DNAJB4: variants seen among roughly 807,000 people sequenced by gnomAD.
The protein encoded by DNAJB4 is DnaJ heat shock protein family (Hsp40) member B4, also known as dnaJ homolog subfamily B member 4.
In DNAJB4, 10 loss-of-function variants were observed where a neutral mutation model predicts 26.6. The observed-to-expected ratio is 0.38, with a 90% confidence interval of 0.23 to 0.64. The LOEUF is 0.64. Ranked by LOEUF, DNAJB4 falls within the 30% of genes least tolerant of loss-of-function variation. The pLI is 0.58. For missense variants in DNAJB4, 328 were observed against 408.2 expected (o/e 0.80, Z 1.69); for synonymous variants, 136 against 134.8 (o/e 1.01, Z -0.06).
At chr1:77,992,230 G>A (rs990701023) in intron 1 of DNAJB4, among the ~76,000 whole-genome samples, 187 of 151,316 alleles carry the variant, frequency 1.2e-3, no homozygotes, top group African/African-American at 4.3e-3. Context: ...CGGCTAAAAC[G>A]GTGAAACCCC....
At chr1:77,996,059 T>C (rs1660053932) in intron 1 of DNAJB4, among the ~76,000 whole-genome samples, 1 of 152,208 alleles carries the variant, frequency 6.6e-6, no homozygotes, top group Non-Finnish European at 1.5e-5. Flanking sequence ...GGACTTATTG[T>C]AAAAGAGGGT....
chr1:78,004,530 A>G (rs1660274843), upstream of DNAJB4: 1 of 152,236 alleles, frequency 6.6e-6, no homozygotes, highest in Non-Finnish European at 1.5e-5. Flanking sequence ...TTAACAGACA[A>G]ATAGCTTAAA....
intron 1 of DNAJB4, among the ~76,000 whole-genome samples, chr1:78,012,283 C>T (rs1660507284): frequency 1.3e-5 from 2 of 150,308 alleles, no homozygotes; most frequent in South Asian, 4.2e-4. Context: ...CTGCCTCAGC[C>T]TCCTGAGTAG....
rs142974303 is a variant in DNAJB4 at position 78,012,908 on chromosome 1, T to A, written c.212-143T>A. ...ATCATCAAGAGTTTTATAGCTGTTCTGTATTTAGTAAAGTGGCATTTCTGG... is the reference window on the plus strand; with the variant it reads ...ATCATCAAGAGTTTTATAGCTGTTCAGTATTTAGTAAAGTGGCATTTCTGG... On this transcript the variant is annotated intron_variant, in intron 1 of 2. Coordinates refer to ENST00000370763, the MANE Select transcript of DNAJB4 (RefSeq NM_007034.5). The A allele has an allele frequency of 2.6e-4, 156 of 602,846 alleles. No homozygotes were observed. In the African/African-American group the frequency reaches 2.7e-3, roughly 10 times the overall value. The allele number at this position is 602,846 out of a possible 1,614,324, so 37.3% of individuals were successfully genotyped here.
chr1:77,985,539 T>C (rs78482603), intron 1 of DNAJB4, among the ~76,000 whole-genome samples: 7,294 of 152,284 alleles, frequency 0.048, 232 homozygotes, highest in East Asian at 0.11. Flanking sequence ...ATATAAATAC[T>C]ATTTTTTCAA....
rs892327323 is a variant in DNAJB4, at chr1:78,005,364, TC to T, written c.211+44del. 11 of 1,360,000 alleles carry T rather than the reference TC, an allele frequency of 8.1e-6. No individual in the cohort carries two copies. In the Admixed American group the frequency reaches 2.6e-4, roughly 32 times the overall value. 84.2% of individuals were successfully genotyped at this position (1,360,000 alleles called of 1,614,324 possible). A position where few individuals can be genotyped will look rare whatever the true frequency, so the allele number is the denominator to read the frequency against. ...ATCTTTCTGTCTCTTCAGCTCTGTCTCTTTTTTTTTTTTCTCTCTCTCTGCC... is the reference window on the plus strand; with the variant it reads ...ATCTTTCTGTCTCTTCAGCTCTGTCTTTTTTTTTTTTTCTCTCTCTCTGCC... On this transcript the variant is annotated intron_variant, in intron 1 of 2. Coordinates refer to ENST00000370763, the MANE Select transcript of DNAJB4 (RefSeq NM_007034.5).
intron 1 of DNAJB4, among the ~76,000 whole-genome samples, chr1:77,990,242 C>T (rs1349223627): frequency 6.6e-6 from 1 of 152,168 alleles, no homozygotes; most frequent in Non-Finnish European, 1.5e-5. Flanking sequence ...TTATTGTCTC[C>T]TGTTGATTGA....
intron 1 of DNAJB4, among the ~76,000 whole-genome samples, chr1:77,984,935 C>A (rs1316209333): frequency 6.6e-6 from 1 of 152,166 alleles, no homozygotes; most frequent in Non-Finnish European, 1.5e-5. Flanking sequence ...TGAGTGCCTT[C>A]TACAAAGTGC....
upstream of DNAJB4, among the ~76,000 whole-genome samples, chr1:78,003,657 A>C (rs60670711): frequency 6.6e-6 from 1 of 152,238 alleles, no homozygotes; most frequent in African/African-American, 2.4e-5. Context: ...TTATCTCTCT[A>C]ATAGAAATGG....
chr1:77,990,302 C>CA, intron 1 of DNAJB4, among the ~76,000 whole-genome samples: 1 of 152,102 alleles, frequency 6.6e-6, no homozygotes, highest in African/African-American at 2.4e-5. Context: ...TGATTCTTTC[C>CA]AAAAATTGTT....
At chr1:78,007,884 C>A (rs564689511) in intron 1 of DNAJB4, among the ~76,000 whole-genome samples, 16 of 152,154 alleles carry the variant, frequency 1.1e-4, no homozygotes, top group Non-Finnish European at 1.9e-4. Flanking sequence ...CCCGCTCCCC[C>A]CAAGTTATTA....
At chr1:77,993,074 G>A (rs1390343331) in intron 1 of DNAJB4, among the ~76,000 whole-genome samples, 1 of 152,070 alleles carries the variant, frequency 6.6e-6, no homozygotes, top group African/African-American at 2.4e-5. Context: ...TTTGCCAGAT[G>A]CAATAAAATT....
intron 1 of DNAJB4, among the ~76,000 whole-genome samples, chr1:77,988,032 TCCCC>T: frequency 8.0e-6 from 1 of 124,310 alleles, no homozygotes; most frequent in Admixed American, 8.3e-5. Context: ...TGTGTGTATT[TCCCC>T]CCCCCCCCAG....
chr1:77,988,033 C>T (rs201032032), intron 1 of DNAJB4, among the ~76,000 whole-genome samples: 6,363 of 70,598 alleles, frequency 0.09, 274 homozygotes, highest in East Asian at 0.22. Flanking sequence ...GTGTGTATTT[C>T]CCCCCCCCCC....
chr1:78,014,667 C>T (rs1204066240), intron 2 of DNAJB4, among the ~76,000 whole-genome samples: 2 of 152,050 alleles, frequency 1.3e-5, no homozygotes, highest in Non-Finnish European at 2.9e-5. Flanking sequence ...GGCACAATCT[C>T]AGCTAGTACT....
In DNAJB4 at chr1:77,986,517, G is replaced by T. The variant is rs117077925; in HGVS notation, c.-32+6195G>T. Among the ~76,000 whole-genome samples the T allele has an allele frequency of 2.5e-3, 373 of 151,892 alleles. 3 individuals are homozygous for T. In the East Asian group the frequency reaches 0.03, roughly 12 times the overall value. On this transcript the variant is annotated intron_variant, in intron 1 of 2. Coordinates refer to the DNAJB4 transcript ENST00000426517. ...CTGGCTTTCCTTCTTTGCCATTCAC[G>T]TCAGTAATTCTCAACTCCCACTCCC...
At chr1:77,991,892 C>T (rs1237740936) in intron 1 of DNAJB4, among the ~76,000 whole-genome samples, 1 of 152,038 alleles carries the variant, frequency 6.6e-6, no homozygotes, top group East Asian at 1.9e-4. Flanking sequence ...AGTTCAATGT[C>T]AGTGAATCAA....
chr1:78,015,499 AT>A (rs1449327429), intron 2 of DNAJB4, among the ~76,000 whole-genome samples: 1 of 116,948 alleles, frequency 8.6e-6, no homozygotes, highest in Non-Finnish European at 1.8e-5. Flanking sequence ...TCCTGAAGGA[AT>A]TTTCCTTTTT....
rs1425761816 is a variant in DNAJB4 at position 78,017,725 on chromosome 1, C to G, written c.*1478C>G. On this transcript the variant is annotated 3_prime_UTR_variant, in exon 3 of 3. Coordinates refer to ENST00000370763, the MANE Select transcript of DNAJB4 (RefSeq NM_007034.5). ...CTACTTTTCATCTGTATGGATTTGT[C>G]TGTTCTGGACATTTCACATAAATAG... The G allele has an allele frequency of 6.6e-6, 1 of 150,736 alleles. No individual in the cohort carries two copies. The highest frequency in any genetic ancestry group is 2.1e-4 in the South Asian group (1 of 4,782). 9.3% of individuals were successfully genotyped at this position (150,736 alleles called of 1,614,324 possible). A position where few individuals can be genotyped will look rare whatever the true frequency, so the allele number is the denominator to read the frequency against.
Sources: gnomAD v4.1 joint callset for allele counts (sites outside exome capture counted in the v4.1 genomes callset) on GRCh38, gnomAD v4.1.1 for gene constraint, MANE v1.5 for transcripts, NCBI Gene and HGNC (gene_info 2026-07-23, HGNC 2026-07-21) for gene names.